Variants in FAM13A observed in about 807,000 individuals in gnomAD.
The protein encoded by FAM13A is family with sequence similarity 13 member A.
In FAM13A, 76 loss-of-function variants were observed where a neutral mutation model predicts 129.6. The ratio of observed to expected loss-of-function variants is 0.59; its 90% CI spans 0.49 to 0.71. The LOEUF is 0.71. Ranked by LOEUF, FAM13A falls within the 30% of genes least tolerant of loss-of-function variation. The probability of loss-of-function intolerance (pLI) is 0.00; values close to 1 mark genes in which losing one functional copy is unlikely to be tolerated. For synonymous variants in FAM13A, 443 were observed against 449.9 expected (o/e 0.98, Z 0.20); for missense variants, 1,108 against 1,249.3 (o/e 0.89, Z 1.70).
chr4:88,990,800 T>C, intron 4 of FAM13A, 173 bp downstream of exon 4: 1 of 483,850 alleles, frequency 2.1e-6, no homozygotes, highest in Non-Finnish European at 3.6e-6. Flanking sequence ...GCTACCTTCT[T>C]CAAATTGGGA....
chr4:88,975,162 T>C (rs1327844761), intron 4 of FAM13A, among the ~76,000 whole-genome samples: 2 of 151,202 alleles, frequency 1.3e-5, no homozygotes, highest in Admixed American at 6.6e-5. Flanking sequence ...AAATAGAGGG[T>C]TAGAAAAATT....
At chr4:88,916,946 G>T (rs943262094) in intron 5 of FAM13A, among the ~76,000 whole-genome samples, 2 of 151,994 alleles carry the variant, frequency 1.3e-5, no homozygotes, top group African/African-American at 4.8e-5. Flanking sequence ...AAAATTCACT[G>T]CTATTTTTAA....
At chr4:88,758,139 G>A (rs1464675385) in intron 14 of FAM13A, among the ~76,000 whole-genome samples, 2 of 151,956 alleles carry the variant, frequency 1.3e-5, no homozygotes, top group Admixed American at 6.6e-5. Context: ...CTTCTTCCTC[G>A]CAAGTACATT....
chr4:88,866,459 C>T lies in FAM13A; in HGVS notation c.844-15276G>A, dbSNP rs1020621602. ...CCTCCCAAAGTTCTGGGATTATAGG[C>T]GTGAGTGACTGTGCCCGGCACTTTT... On this transcript the variant is annotated intron_variant, in intron 6 of 23. Coordinates refer to ENST00000264344, the MANE Select transcript of FAM13A (RefSeq NM_014883.4). Among the ~76,000 whole-genome samples, 3 of 152,162 alleles carry T rather than the reference C, an allele frequency of 2.0e-5. No homozygotes were observed. The East Asian group carries it at 5.8e-4, about 29-fold the overall frequency.
chr4:88,749,969 GC>G, intron 15 of FAM13A, 60 bp from the exon 16 acceptor site: 1 of 1,586,680 alleles, frequency 6.3e-7, no homozygotes, highest in Non-Finnish European at 8.6e-7. Context: ...GCCTAGAGGG[GC>G]CCTGGGGAAG....
intron 5 of FAM13A, chr4:88,937,879 C>G: frequency 1.7e-6 from 1 of 574,248 alleles, no homozygotes; most frequent in Non-Finnish European, 3.1e-6. Context: ...AACAAGAAAA[C>G]ATAAAATTGC....
intron 4 of FAM13A, among the ~76,000 whole-genome samples, chr4:88,972,858 T>A (rs1161808137): frequency 6.6e-6 from 1 of 152,154 alleles, no homozygotes; most frequent in Non-Finnish European, 1.5e-5. Flanking sequence ...TCCACCTGCC[T>A]TGACCTCCCA....
rs184092617 is a variant in FAM13A at position 88,904,688 on chromosome 4, A to G, written c.843+1691T>C. Among the ~76,000 whole-genome samples, 200 of 152,296 alleles carry G rather than the reference A, an allele frequency of 1.3e-3. 2 individuals carry two copies. Among genetic ancestry groups the G allele is most frequent in the African/African-American group, 4.3e-3 (178 of 41,558 alleles). On this transcript the variant is annotated intron_variant, in intron 6 of 23. Transcript: ENST00000264344. ...CTGGGTTTAATACCTAGGTGATGGT[A>G]GGAGATCTGTGCAGCAAACCACCAT... is the stretch of plus-strand genomic sequence containing the variant.
At chr4:88,929,554 C>CAT (rs1303757359) in intron 5 of FAM13A, among the ~76,000 whole-genome samples, 1 of 151,978 alleles carries the variant, frequency 6.6e-6, no homozygotes, top group Non-Finnish European at 1.5e-5. Flanking sequence ...TTTGTAGTTC[C>CAT]ATATGTCTTG....
chr4:89,018,424 T>A (rs1178437410), intron 3 of FAM13A, among the ~76,000 whole-genome samples: 3 of 152,198 alleles, frequency 2.0e-5, no homozygotes, highest in Non-Finnish European at 4.4e-5. Context: ...GAAATAAATT[T>A]CTCTCGTTTA....
intron 6 of FAM13A, among the ~76,000 whole-genome samples, chr4:88,889,717 T>C (rs2609254): frequency 0.14 from 21,485 of 152,130 alleles, 1,865 homozygotes; most frequent in Non-Finnish European, 0.2. Context: ...TATCTTCTTT[T>C]TCAGTGTCCA....
chr4:88,811,002 T>C (rs1729565694), intron 7 of FAM13A, among the ~76,000 whole-genome samples: 1 of 152,170 alleles, frequency 6.6e-6, no homozygotes, highest in South Asian at 2.1e-4. Flanking sequence ...CTATGCTAAA[T>C]ACACATCTCC....
intron 6 of FAM13A, among the ~76,000 whole-genome samples, chr4:88,875,774 C>T (rs926874601): frequency 5.3e-5 from 8 of 151,988 alleles, no homozygotes; most frequent in African/African-American, 9.7e-5. Flanking sequence ...CATTCGACCC[C>T]GTGATCTCAT....
At chr4:88,797,044 T>A (rs1726333018) in intron 8 of FAM13A, among the ~76,000 whole-genome samples, 2 of 152,118 alleles carry the variant, frequency 1.3e-5, no homozygotes. Context: ...TTCCTGTTTA[T>A]GTAAGACAAG....
intron 12 of FAM13A, 90 bp downstream of exon 12, chr4:88,767,893 C>T: frequency 2.5e-6 from 2 of 815,594 alleles, no homozygotes; most frequent in Non-Finnish European, 4.2e-6. Context: ...TAATTCCATT[C>T]TTTTTAGTTC....
intron 8 of FAM13A, among the ~76,000 whole-genome samples, chr4:88,793,684 C>G (rs1173717249): frequency 6.6e-6 from 1 of 151,946 alleles, no homozygotes; most frequent in South Asian, 2.1e-4. Context: ...CTAGTGATCT[C>G]TGTAGTTTCT....
chr4:89,017,721 C>G (rs1383904433), intron 3 of FAM13A, among the ~76,000 whole-genome samples: 1 of 152,134 alleles, frequency 6.6e-6, no homozygotes, highest in Non-Finnish European at 1.5e-5. Context: ...CTCAAAACTT[C>G]CCTTCCCTAT....
At chr4:88,859,451 A>T (rs908602302) in intron 6 of FAM13A, among the ~76,000 whole-genome samples, 1 of 152,180 alleles carries the variant, frequency 6.6e-6, no homozygotes, top group African/African-American at 2.4e-5. Context: ...GCCCAGAGGC[A>T]GGTGGTGGAG....
chr4:88,913,228 GGAAGAA>G (rs370117490), intron 5 of FAM13A, among the ~76,000 whole-genome samples: 88 of 65,910 alleles, frequency 1.3e-3, no homozygotes, highest in Non-Finnish European at 2.0e-3. Context: ...AAGAGGAAGA[GGAAGAA>G]GAGGAGGAGG....
Sources: allele counts gnomAD v4.1 joint callset (sites outside exome capture counted in the v4.1 genomes callset), GRCh38; gene constraint gnomAD v4.1.1; transcripts MANE v1.5; gene names NCBI Gene and HGNC (gene_info 2026-07-23, HGNC 2026-07-21).